KCNN2: variants seen among roughly 807,000 people sequenced by gnomAD.
The protein encoded by KCNN2 is potassium calcium-activated channel subfamily N member 2.
Under a neutral mutation model 55.5 loss-of-function variants are expected in KCNN2, and 24 were observed. The ratio of observed to expected loss-of-function variants is 0.43; its 90% CI spans 0.31 to 0.61. The LOEUF is 0.61. Ranked by LOEUF, KCNN2 falls within the 20% of genes least tolerant of loss-of-function variation. The pLI is 0.08. For missense variants in KCNN2, 754 were observed against 853.6 expected (o/e 0.88, Z 1.45); for synonymous variants, 431 against 336.1 (o/e 1.28, Z -3.09).
chr5:114,101,719 A>T (rs373170896), intron 1 of KCNN2, among the ~76,000 whole-genome samples: 1 of 152,042 alleles, frequency 6.6e-6, no homozygotes, highest in South Asian at 2.1e-4. Flanking sequence ...TTTGCTGAGA[A>T]TGATGGTTTC....
chr5:114,099,382 G>C (rs1224118991), intron 1 of KCNN2, among the ~76,000 whole-genome samples: 4 of 152,022 alleles, frequency 2.6e-5, no homozygotes, highest in African/African-American at 9.7e-5. Context: ...TTGCACATAA[G>C]AAAACAAAAA....
At chr5:114,131,311 G>A (rs1017850414) in intron 1 of KCNN2, among the ~76,000 whole-genome samples, 9 of 152,054 alleles carry the variant, frequency 5.9e-5, no homozygotes, top group African/African-American at 2.2e-4. Context: ...AGTGTGTGTT[G>A]TCCTCCTGAC....
chr5:114,167,977 T>G (rs1481069953), intron 1 of KCNN2, among the ~76,000 whole-genome samples: 4 of 152,154 alleles, frequency 2.6e-5, no homozygotes, highest in Non-Finnish European at 5.9e-5. Context: ...TTCATTCATG[T>G]GATTGCAAGT....
chr5:114,154,293 A>G (rs1270318986), intron 1 of KCNN2, among the ~76,000 whole-genome samples: 1 of 152,190 alleles, frequency 6.6e-6, no homozygotes, highest in Non-Finnish European at 1.5e-5. Context: ...ACATGAGCCC[A>G]TAAAGGAGCT....
chr5:114,452,798 G>A (rs895790710), intron 3 of KCNN2, among the ~76,000 whole-genome samples: 4 of 152,204 alleles, frequency 2.6e-5, no homozygotes, highest in African/African-American at 9.6e-5. Flanking sequence ...CAACAAGTAA[G>A]AGACACGTTA....
intron 1 of KCNN2, among the ~76,000 whole-genome samples, chr5:114,208,869 A>G (rs1040766891): frequency 6.6e-6 from 1 of 152,002 alleles, no homozygotes; most frequent in Non-Finnish European, 1.5e-5. Flanking sequence ...CCTCTCAACA[A>G]CATCTTCTCT....
rs571102818 is a variant in KCNN2, at chr5:114,107,776, TTATC to T, written c.-271+51286_-271+51289del. Among the ~76,000 whole-genome samples the T allele has an allele frequency of 9.9e-4, 151 of 152,166 alleles. 1 individual carries two copies. Among genetic ancestry groups the T allele is most frequent in the African/African-American group, 3.4e-3 (140 of 41,544 alleles). ...AATTTTTATAGGAATTACATCAATT[TTATC>T]TATCTATCTGTAAATTTGGAATCAA... is the stretch of plus-strand genomic sequence containing the variant. On this transcript the variant is annotated intron_variant, in intron 1 of 10. Transcript: ENST00000512097.
intron 1 of KCNN2, among the ~76,000 whole-genome samples, chr5:114,130,391 G>T (rs1187465962): frequency 1.3e-5 from 2 of 152,142 alleles, no homozygotes; most frequent in Non-Finnish European, 2.9e-5. Context: ...CATTTTATTC[G>T]TTCAAGAAGT....
At chr5:114,416,160 A>G (rs1382037209) in intron 3 of KCNN2, among the ~76,000 whole-genome samples, 1 of 152,100 alleles carries the variant, frequency 6.6e-6, no homozygotes, top group Non-Finnish European at 1.5e-5. Flanking sequence ...TGATGGTTGT[A>G]GTAGCTGCGA....
At chr5:114,415,499 C>T (rs1253128790) in intron 3 of KCNN2, among the ~76,000 whole-genome samples, 1 of 152,162 alleles carries the variant, frequency 6.6e-6, no homozygotes, top group Non-Finnish European at 1.5e-5. Flanking sequence ...TGAATATACA[C>T]ATATGTGTAT....
At chr5:114,421,152 A>G (rs1327635103) in intron 3 of KCNN2, among the ~76,000 whole-genome samples, 1 of 151,868 alleles carries the variant, frequency 6.6e-6, no homozygotes, top group Non-Finnish European at 1.5e-5. Context: ...TTTCCTTTTT[A>G]TAGAATGGTC....
intron 2 of KCNN2, among the ~76,000 whole-genome samples, chr5:114,282,064 G>A (rs906000045): frequency 7.2e-5 from 11 of 152,056 alleles, no homozygotes; most frequent in Non-Finnish European, 1.5e-4. Flanking sequence ...TTATGTATTT[G>A]TGTCTTCTTG....
intron 2 of KCNN2, among the ~76,000 whole-genome samples, chr5:114,314,785 T>A (rs950954058): frequency 3.3e-5 from 5 of 152,116 alleles, no homozygotes; most frequent in Non-Finnish European, 7.4e-5. Flanking sequence ...AGTGACTCCT[T>A]CTTGCACATT....
At chr5:114,064,465 G>C (rs1750397925) in intron 1 of KCNN2, among the ~76,000 whole-genome samples, 1 of 152,206 alleles carries the variant, frequency 6.6e-6, no homozygotes, top group Non-Finnish European at 1.5e-5. Context: ...AGCTAGCCTT[G>C]TGGGGAGAGC....
intron 1 of KCNN2, among the ~76,000 whole-genome samples, chr5:114,220,640 T>C (rs1013433686): frequency 2.0e-5 from 3 of 152,164 alleles, no homozygotes; most frequent in African/African-American, 7.2e-5. Flanking sequence ...AATCCTGGCA[T>C]TGAAAATTAT....
chr5:114,319,864 G>A (rs1258977497), intron 2 of KCNN2, among the ~76,000 whole-genome samples: 1 of 152,118 alleles, frequency 6.6e-6, no homozygotes, highest in Non-Finnish European at 1.5e-5. Flanking sequence ...TGCTAATTGT[G>A]ACTCATATAA....
chr5:114,144,857 G>T (rs1246861854), intron 1 of KCNN2, among the ~76,000 whole-genome samples: 1 of 134,422 alleles, frequency 7.4e-6, no homozygotes, highest in Non-Finnish European at 1.6e-5. Flanking sequence ...GGACATTAGT[G>T]ATGGGGGGGT....
At chr5:114,472,709 A>G (rs1318373751) in intron 4 of KCNN2, among the ~76,000 whole-genome samples, 3 of 152,132 alleles carry the variant, frequency 2.0e-5, no homozygotes, top group South Asian at 2.1e-4. Flanking sequence ...TAATCTACTC[A>G]TTTGTTATTT....
Position 114,172,112 on chromosome 5 carries a change from A to T in KCNN2, c.-270-49368A>T, listed in dbSNP as rs74467826. On this transcript the variant is annotated intron_variant, in intron 1 of 10. Coordinates refer to the KCNN2 transcript ENST00000512097. ...TATTGAAGATAAGCCTTTGGAGATG[A>T]CCATATATAGTTTCTCCAGTTGATT... Among the ~76,000 whole-genome samples the T allele has an allele frequency of 7.9e-3, 1,203 of 151,976 alleles. 17 individuals carry two copies. Among genetic ancestry groups the T allele is most frequent in the African/African-American group, 0.027 (1,120 of 41,518 alleles).
Sources: allele counts gnomAD v4.1 joint callset (sites outside exome capture counted in the v4.1 genomes callset), GRCh38; gene constraint gnomAD v4.1.1; transcripts MANE v1.5; gene names NCBI Gene and HGNC (gene_info 2026-07-23, HGNC 2026-07-21).